MAGI3: variants seen among roughly 807,000 people sequenced by gnomAD.
MAGI3 encodes the protein membrane associated guanylate kinase, WW and PDZ domain containing 3.
A neutral mutation model predicts 121.8 loss-of-function variants in MAGI3; 43 were observed. That is an observed-to-expected ratio of 0.35 (90% CI 0.28 to 0.46). MAGI3 has a LOEUF of 0.46. MAGI3 is among the 20% of genes least tolerant of loss of function. The probability of loss-of-function intolerance (pLI) is 1.00; values close to 1 mark genes in which losing one functional copy is unlikely to be tolerated. For missense variants in MAGI3, 1,547 were observed against 1,797.3 expected (o/e 0.86, Z 2.52); for synonymous variants, 553 against 639.3 (o/e 0.86, Z 2.04).
intron 16 of MAGI3, among the ~76,000 whole-genome samples, chr1:113,665,365 G>A (rs775667896): frequency 3.8e-4 from 58 of 151,846 alleles, no homozygotes; most frequent in Non-Finnish European, 6.3e-4. Flanking sequence ...CTGATGATAT[G>A]TGTGTGTGTG....
intron 1 of MAGI3, among the ~76,000 whole-genome samples, chr1:113,441,768 A>G (rs1337284386): frequency 6.6e-6 from 1 of 152,194 alleles, no homozygotes; most frequent in Non-Finnish European, 1.5e-5. Flanking sequence ...TCCCTCTATA[A>G]TAAAAAAGTT....
intron 1 of MAGI3, among the ~76,000 whole-genome samples, chr1:113,532,470 A>C (rs931205925): frequency 2.6e-5 from 4 of 152,034 alleles, no homozygotes; most frequent in Admixed American, 1.3e-4. Flanking sequence ...ACAAAAGTGT[A>C]AAGACAGAGC....
At chr1:113,407,687 A>G (rs527843183) in intron 1 of MAGI3, among the ~76,000 whole-genome samples, 1 of 152,172 alleles carries the variant, frequency 6.6e-6, no homozygotes, top group South Asian at 2.1e-4. Flanking sequence ...GGAGAAAAAT[A>G]TGCTCAAGGT....
intron 2 of MAGI3, among the ~76,000 whole-genome samples, chr1:113,579,071 G>A (rs947445640): frequency 2.6e-5 from 4 of 152,126 alleles, no homozygotes; most frequent in Admixed American, 2.0e-4. Context: ...AGAGCATATT[G>A]CCAGGCACTG....
chr1:113,664,532 A>T (rs1443943281), intron 16 of MAGI3, among the ~76,000 whole-genome samples: 2 of 152,240 alleles, frequency 1.3e-5, no homozygotes, highest in Non-Finnish European at 2.9e-5. Context: ...CAGCCTAGAT[A>T]ACATAGCAAG....
chr1:113,642,016 CTT>C lies in MAGI3; in HGVS notation c.1468_1469del (p.Leu490MetfsTer8). 1 of 1,614,162 alleles carries C rather than the reference CTT, an allele frequency of 6.2e-7. No individual in the cohort carries two copies. Among genetic ancestry groups the C allele is most frequent in the Non-Finnish European group, 8.5e-7 (1 of 1,180,032 alleles). On this transcript the variant is annotated frameshift_variant, in exon 10 of 21. Transcript: ENST00000307546. LOFTEE classifies it high-confidence loss of function. ...CCTGTCAATCAGTATGTAAACCTCA[CTT>C]TATGTCGTGGTTATCCACTTCCTGA...
rs1225479053 is a variant in MAGI3 at position 113,642,385 on chromosome 1, G to C, written c.1835G>C (p.Gly612Ala). ...KMILDSQWCQ[G>A]LQKGDIIKEI... ...ATACTGGATAGTCAGTGGTGTCAAGGCCTTCAGAAAGGAGATATAATTAAG... is the reference window on the plus strand; with the variant it reads ...ATACTGGATAGTCAGTGGTGTCAAGCCCTTCAGAAAGGAGATATAATTAAG... Residue 612 changes from glycine (G) to alanine (A), a missense_variant, in exon 10 of 21, where the codon GGC (glycine) becomes GCC (alanine). Physicochemically the swap from Gly to Ala is moderately conservative, Grantham distance 60. Coordinates refer to ENST00000307546, the MANE Select transcript of MAGI3 (RefSeq NM_001142782.2). The C allele has an allele frequency of 1.2e-6, 2 of 1,614,064 alleles. No homozygotes were observed. The highest frequency in any genetic ancestry group is 1.7e-6 in the Non-Finnish European group (2 of 1,180,038).
chr1:113,450,278 G>A lies in MAGI3; in HGVS notation c.316+58929G>A, dbSNP rs372493685. ...CAGTCTGCTGGATCACAGAGAGGTC[G>A]TGGAGGTGGATCTGGCAATTTTATG... On this transcript the variant is annotated intron_variant, in intron 1 of 20. Coordinates refer to ENST00000307546, the MANE Select transcript of MAGI3 (RefSeq NM_001142782.2). The A allele has an allele frequency of 2.3e-4, 362 of 1,594,646 alleles. 1 individual carries two copies. In the African/African-American group the frequency reaches 4.4e-3, roughly 19 times the overall value.
chr1:113,393,420 A>T (rs1463662513), intron 1 of MAGI3, among the ~76,000 whole-genome samples: 1 of 152,204 alleles, frequency 6.6e-6, no homozygotes, highest in Non-Finnish European at 1.5e-5. Context: ...ATTTCTCAAG[A>T]TACCATTATG....
At chr1:113,409,507 G>A (rs1259530740) in intron 1 of MAGI3, among the ~76,000 whole-genome samples, 2 of 151,994 alleles carry the variant, frequency 1.3e-5, no homozygotes, top group African/African-American at 4.8e-5. Context: ...GCCAGGTGTG[G>A]TGGTGCATAC....
rs567886424 is a variant in MAGI3, at chr1:113,416,124, T to G, written c.316+24775T>G. Among the ~76,000 whole-genome samples, 724 of 134,030 alleles carry G rather than the reference T, an allele frequency of 5.4e-3. 2 individuals are homozygous for G. The highest frequency in any genetic ancestry group is 9.2e-3 in the Non-Finnish European group (546 of 59,316). 87.9% of individuals were successfully genotyped at this position (134,030 alleles called of 152,430 possible). On this transcript the variant is annotated intron_variant, in intron 1 of 20. Transcript: ENST00000307546. ...TAATGACACATATTAATTATGTAAT[T>G]AATGACACATATTAATTATGTAATT...
At chr1:113,666,970 G>T (rs1029722634) in intron 16 of MAGI3, among the ~76,000 whole-genome samples, 11 of 152,108 alleles carry the variant, frequency 7.2e-5, no homozygotes, top group African/African-American at 2.7e-4. Flanking sequence ...CTTTTTTTCT[G>T]AGCAGTAGGT....
intron 1 of MAGI3, among the ~76,000 whole-genome samples, chr1:113,476,580 T>A (rs1040128088): frequency 6.6e-6 from 1 of 152,214 alleles, no homozygotes; most frequent in African/African-American, 2.4e-5. Context: ...CGCTGTGGTT[T>A]GAGAGACAGT....
intron 1 of MAGI3, among the ~76,000 whole-genome samples, chr1:113,453,733 C>T (rs1050818515): frequency 3.3e-5 from 5 of 152,192 alleles, no homozygotes; most frequent in Non-Finnish European, 7.3e-5. Flanking sequence ...TGCCTGTATT[C>T]TTCTTTAGGG....
At chr1:113,629,561 T>A (rs1432102677) in intron 9 of MAGI3, among the ~76,000 whole-genome samples, 1 of 152,136 alleles carries the variant, frequency 6.6e-6, no homozygotes, top group African/African-American at 2.4e-5. Flanking sequence ...TTTGTGCCCA[T>A]CCTTGGGAAG....
chr1:113,548,235 A>AT (rs1158605369), intron 1 of MAGI3, among the ~76,000 whole-genome samples: 3 of 152,132 alleles, frequency 2.0e-5, no homozygotes, highest in African/African-American at 7.2e-5. Flanking sequence ...CTTAGCATTG[A>AT]TTTTTTCTAA....
chr1:113,430,733 C>A (rs895685760), intron 1 of MAGI3, among the ~76,000 whole-genome samples: 6 of 152,102 alleles, frequency 3.9e-5, no homozygotes, highest in Admixed American at 1.3e-4. Context: ...CTTCATCAAC[C>A]AAATGAACTG....
intron 1 of MAGI3, among the ~76,000 whole-genome samples, chr1:113,521,022 C>G (rs1658149599): frequency 6.6e-6 from 1 of 152,066 alleles, no homozygotes; most frequent in African/African-American, 2.4e-5. Flanking sequence ...TTAGGCTCTC[C>G]CTACATCAGC....
intron 1 of MAGI3, among the ~76,000 whole-genome samples, chr1:113,533,396 A>C (rs1305437830): frequency 6.6e-6 from 1 of 152,166 alleles, no homozygotes; most frequent in African/African-American, 2.4e-5. Flanking sequence ...GTACACATGG[A>C]TAGAAAGAGG....
Sources: allele counts gnomAD v4.1 joint callset (sites outside exome capture counted in the v4.1 genomes callset), GRCh38; gene constraint gnomAD v4.1.1; transcripts MANE v1.5; gene names NCBI Gene and HGNC (gene_info 2026-07-23, HGNC 2026-07-21).